Variants in WDR70 observed in about 807,000 individuals in gnomAD.
WDR70 encodes the protein WD repeat-containing protein 70.
A neutral mutation model predicts 88.6 loss-of-function variants in WDR70; 53 were observed. That is an observed-to-expected ratio of 0.60 (90% CI 0.48 to 0.75). WDR70 has a LOEUF of 0.75. Among genes scored for constraint, WDR70 ranks in the 30% least tolerant of loss-of-function variants. The pLI, the probability that WDR70 is intolerant of heterozygous loss-of-function variation, is 0.00. For synonymous variants in WDR70, 280 were observed against 270.0 expected (o/e 1.04, Z -0.36); for missense variants, 610 against 823.2 (o/e 0.74, Z 3.17).
intron 8 of WDR70, among the ~76,000 whole-genome samples, chr5:37,499,038 G>A (rs908419399): frequency 1.3e-5 from 2 of 151,818 alleles, no homozygotes; most frequent in African/African-American, 4.8e-5. Context: ...TCAAATAGGT[G>A]TTTAGTGGGA....
intron 13 of WDR70, among the ~76,000 whole-genome samples, chr5:37,709,806 C>T (rs897725595): frequency 6.7e-6 from 1 of 148,538 alleles, no homozygotes; most frequent in Non-Finnish European, 1.5e-5. Flanking sequence ...TGCATTTTTG[C>T]TGCCTTCATA....
intron 17 of WDR70, among the ~76,000 whole-genome samples, chr5:37,731,884 A>G (rs1748155407): frequency 6.6e-6 from 1 of 152,190 alleles, no homozygotes; most frequent in African/African-American, 2.4e-5. Context: ...AAAATGAAAC[A>G]TCCAGAAGAT....
intron 5 of WDR70, among the ~76,000 whole-genome samples, chr5:37,406,732 A>T (rs6880699): frequency 0.13 from 20,456 of 152,244 alleles, 4,503 homozygotes; most frequent in African/African-American, 0.46. Context: ...CAAATTTAAC[A>T]GGATATCTAA....
At chr5:37,535,973 C>T (rs984809208) in intron 9 of WDR70, among the ~76,000 whole-genome samples, 1 of 152,138 alleles carries the variant, frequency 6.6e-6, no homozygotes, top group East Asian at 1.9e-4. Flanking sequence ...ATGCAAATCT[C>T]TTTTATATAA....
chr5:37,686,054 C>G (rs72743159), intron 10 of WDR70, among the ~76,000 whole-genome samples: 4,797 of 152,304 alleles, frequency 0.031, 100 homozygotes, highest in Middle Eastern at 0.11. Flanking sequence ...CAAATCTCCC[C>G]CAACACTGTG....
chr5:37,674,540 T>C (rs1265642843), intron 10 of WDR70, among the ~76,000 whole-genome samples: 1 of 152,190 alleles, frequency 6.6e-6, no homozygotes, highest in East Asian at 1.9e-4. Context: ...ATTTCATCCA[T>C]GTCCCTACAA....
At chr5:37,748,839 C>G (rs1748712729) in intron 17 of WDR70, among the ~76,000 whole-genome samples, 1 of 152,062 alleles carries the variant, frequency 6.6e-6, no homozygotes, top group Admixed American at 6.6e-5. Context: ...GTTTATGCGG[C>G]CAAGAAACAT....
At chr5:37,515,620 G>T (rs536399571) in intron 8 of WDR70, among the ~76,000 whole-genome samples, 2 of 152,298 alleles carry the variant, frequency 1.3e-5, no homozygotes, top group South Asian at 4.1e-4. Flanking sequence ...TGATCTCCAG[G>T]CCTATGTATC....
At chr5:37,711,433 G>A (rs897536694) in intron 13 of WDR70, among the ~76,000 whole-genome samples, 5 of 152,074 alleles carry the variant, frequency 3.3e-5, no homozygotes, top group East Asian at 3.8e-4. Flanking sequence ...ATCCCTTACC[G>A]TCAGATCATT....
chr5:37,707,951 ATATATATATATAT>A lies in WDR70; in HGVS notation c.1416+4865_1416+4877del, dbSNP rs1747404399. ...AAAAAAAAAAAAAAAAAAAAAAAAT[ATATATATATATAT>A]ATATATATATATATATATATATATA... On this transcript the variant is annotated intron_variant, in intron 13 of 17. Coordinates refer to ENST00000265107, the MANE Select transcript of WDR70 (RefSeq NM_018034.4). Among the ~76,000 whole-genome samples, 61 of 19,988 alleles carry A rather than the reference ATATATATATATAT, an allele frequency of 3.1e-3. 2 individuals are homozygous for A. Among genetic ancestry groups the A allele is most frequent in the Non-Finnish European group, 3.6e-3 (46 of 12,700 alleles). 13.1% of individuals were successfully genotyped at this position (19,988 alleles called of 152,430 possible). A position where few individuals can be genotyped will look rare whatever the true frequency, so the allele number is the denominator to read the frequency against.
intron 7 of WDR70, among the ~76,000 whole-genome samples, chr5:37,445,356 A>G (rs1253162134): frequency 6.6e-6 from 1 of 151,878 alleles, no homozygotes; most frequent in Non-Finnish European, 1.5e-5. Flanking sequence ...CTCAGTGTCC[A>G]TTGATGATTT....
At chr5:37,703,619 C>T (rs1285595342) in intron 13 of WDR70, among the ~76,000 whole-genome samples, 1 of 152,166 alleles carries the variant, frequency 6.6e-6, no homozygotes, top group Non-Finnish European at 1.5e-5. Flanking sequence ...TAAAAAAACA[C>T]ATTAGTTTTC....
At chr5:37,659,213 A>G (rs1350987331) in intron 10 of WDR70, among the ~76,000 whole-genome samples, 1 of 152,234 alleles carries the variant, frequency 6.6e-6, no homozygotes, top group Non-Finnish European at 1.5e-5. Context: ...AGATACTTCT[A>G]CAGTCAGAAA....
At chr5:37,534,768 C>T (rs879837414) in intron 9 of WDR70, among the ~76,000 whole-genome samples, 5 of 152,248 alleles carry the variant, frequency 3.3e-5, no homozygotes, top group African/African-American at 7.2e-5. Flanking sequence ...CATGAGCCAT[C>T]GCACCTGGCC....
intron 5 of WDR70, among the ~76,000 whole-genome samples, chr5:37,419,109 T>C (rs1749858652): frequency 6.6e-6 from 1 of 152,048 alleles, no homozygotes; most frequent in African/African-American, 2.4e-5. Context: ...AAAAAATCTT[T>C]CACTTTCATT....
intron 10 of WDR70, among the ~76,000 whole-genome samples, chr5:37,694,667 C>T (rs373470133): frequency 1.4e-4 from 21 of 150,090 alleles, no homozygotes; most frequent in African/African-American, 3.4e-4. Flanking sequence ...AGACACAGGG[C>T]GGGGAACATC....
chr5:37,421,424 T>A (rs560524207), intron 5 of WDR70, among the ~76,000 whole-genome samples: 1 of 152,370 alleles, frequency 6.6e-6, no homozygotes, highest in East Asian at 1.9e-4. Flanking sequence ...CTGTGACGCT[T>A]GTAAGGTACT....
intron 7 of WDR70, among the ~76,000 whole-genome samples, chr5:37,453,641 T>C (rs558990355): frequency 2.2e-4 from 33 of 152,356 alleles, no homozygotes; most frequent in African/African-American, 7.2e-4. Flanking sequence ...TGGGGCCAGT[T>C]TATGGCCAGA....
chr5:37,517,258 A>T (rs978712068), intron 9 of WDR70, among the ~76,000 whole-genome samples: 18 of 152,118 alleles, frequency 1.2e-4, no homozygotes, highest in African/African-American at 4.3e-4. Flanking sequence ...ATTGGCTAAG[A>T]TTGATTTTGA....
Sources: gnomAD v4.1 joint callset for allele counts (sites outside exome capture counted in the v4.1 genomes callset) on GRCh38, gnomAD v4.1.1 for gene constraint, MANE v1.5 for transcripts, NCBI Gene and HGNC (gene_info 2026-07-23, HGNC 2026-07-21) for gene names.